Variants in RFX3 observed in about 807,000 individuals in gnomAD.
RFX3 encodes the protein regulatory factor X3.
A neutral mutation model predicts 98.6 loss-of-function variants in RFX3; 14 were observed. The ratio of observed to expected loss-of-function variants is 0.14; its 90% CI spans 0.09 to 0.22. The LOEUF (loss-of-function observed/expected upper bound fraction) is 0.22. Among genes scored for constraint, RFX3 ranks in the 10% least tolerant of loss-of-function variants. The pLI, the probability that RFX3 is intolerant of heterozygous loss-of-function variation, is 1.00. For synonymous variants in RFX3, 383 were observed against 328.4 expected, an observed-to-expected ratio of 1.17 and a Z score of -1.80; for missense variants, 639 against 926.9, an observed-to-expected ratio of 0.69 and a Z score of 4.03.
chr9:3,404,546 C>A (rs1162593775), intron 1 of RFX3, among the ~76,000 whole-genome samples: 1 of 152,042 alleles, frequency 6.6e-6, no homozygotes, highest in Admixed American at 6.6e-5. Flanking sequence ...CCTCCAGAAA[C>A]AATAATTCCT....
intron 2 of RFX3, among the ~76,000 whole-genome samples, chr9:3,376,312 G>T (rs1838485291): frequency 6.6e-6 from 1 of 151,824 alleles, no homozygotes; most frequent in African/African-American, 2.4e-5. Context: ...ATTAACCATG[G>T]GACTCAACAG....
Position 3,250,022 on chromosome 9 carries a change from G to A in RFX3, c.1815-1837C>T, listed in dbSNP as rs534858347. ...AAATTCTATATATAACTCTATCCAC[G>A]TCTTTCCTAAAATTCAGTGACATAT... On this transcript the variant is annotated intron_variant, in intron 14 of 16. Transcript: ENST00000617270. Among the ~76,000 whole-genome samples, 78 of 151,648 alleles carry A rather than the reference G, an allele frequency of 5.1e-4. 1 individual carries two copies. The highest frequency in any genetic ancestry group is 1.6e-3 in the African/African-American group (67 of 41,426).
chr9:3,446,943 A>G (rs1373256323), intron 1 of RFX3, among the ~76,000 whole-genome samples: 1 of 152,158 alleles, frequency 6.6e-6, no homozygotes, highest in Non-Finnish European at 1.5e-5. Flanking sequence ...AACAATTCTC[A>G]GCTAATGGAA....
chr9:3,353,436 A>T (rs998322177), intron 2 of RFX3, among the ~76,000 whole-genome samples: 3 of 151,950 alleles, frequency 2.0e-5, no homozygotes, highest in Non-Finnish European at 4.4e-5. Flanking sequence ...CATTAGAGAA[A>T]ACGACAGCAA....
At chr9:3,501,793 G>A (rs1816042090) in intron 1 of RFX3, among the ~76,000 whole-genome samples, 1 of 151,582 alleles carries the variant, frequency 6.6e-6, no homozygotes, top group African/African-American at 2.4e-5. Context: ...CTGGCTTCAA[G>A]TGATCCACCC....
intron 1 of RFX3, among the ~76,000 whole-genome samples, chr9:3,398,729 T>C (rs1010632926): frequency 5.9e-5 from 9 of 152,102 alleles, no homozygotes; most frequent in Non-Finnish European, 1.3e-4. Flanking sequence ...TGCACATACA[T>C]TGTATTACAG....
intron 1 of RFX3, among the ~76,000 whole-genome samples, chr9:3,397,066 C>T (rs1247900354): frequency 6.6e-6 from 1 of 152,172 alleles, no homozygotes; most frequent in African/African-American, 2.4e-5. Flanking sequence ...ATGAGGGAGA[C>T]TACTATCATG....
chr9:3,456,325 G>A (rs938514536), intron 1 of RFX3, among the ~76,000 whole-genome samples: 4 of 152,140 alleles, frequency 2.6e-5, no homozygotes, highest in Admixed American at 2.0e-4. Flanking sequence ...CACTTGATCC[G>A]TGGCTAGTGT....
intron 4 of RFX3, among the ~76,000 whole-genome samples, chr9:3,327,750 C>T (rs1175736838): frequency 1.3e-5 from 2 of 151,914 alleles, no homozygotes; most frequent in Non-Finnish European, 2.9e-5. Flanking sequence ...CAACTATTCC[C>T]AGTTTTTATA....
intron 11 of RFX3, among the ~76,000 whole-genome samples, chr9:3,266,775 ATTTAC>A (rs550079919): frequency 3.0e-4 from 46 of 152,150 alleles, no homozygotes; most frequent in African/African-American, 1.1e-3. Context: ...CTATGCATCT[ATTTAC>A]TTAGAATCTG....
At position 3,437,999 on chromosome 9, in the gene RFX3, A is replaced by T. The variant is rs549267994; in HGVS notation, c.-8-42403T>A. 1.8e-3 allele frequency among the ~76,000 whole-genome samples: 274 copies of T among 152,196 alleles called. 1 individual carries two copies. The highest frequency in any genetic ancestry group is 6.3e-3 in the African/African-American group (261 of 41,538). On this transcript the variant is annotated intron_variant, in intron 1 of 16. Transcript: ENST00000617270. The stretch of plus-strand genomic sequence containing the variant: ...TTTTCCTCTCCCTAAATAAAATGGA[A>T]AAAAAGAAGACCTTGAATAAAGACA...
chr9:3,296,910 TG>T (rs1828066937), intron 5 of RFX3, among the ~76,000 whole-genome samples: 1 of 152,132 alleles, frequency 6.6e-6, no homozygotes, highest in Non-Finnish European at 1.5e-5. Context: ...GAGATGTGGC[TG>T]GGGATTATAA....
intron 1 of RFX3, among the ~76,000 whole-genome samples, chr9:3,505,757 A>T (rs1452479176): frequency 1.3e-5 from 2 of 149,150 alleles, no homozygotes; most frequent in East Asian, 4.0e-4. Flanking sequence ...CTCCACCCCC[A>T]TCATTTACAT....
chr9:3,279,340 C>T (rs559574840), intron 7 of RFX3, among the ~76,000 whole-genome samples: 1 of 151,744 alleles, frequency 6.6e-6, no homozygotes, highest in East Asian at 1.9e-4. Context: ...AACCATGTTT[C>T]TTCATTTAAG....
At chr9:3,403,832 C>T (rs1307211868) in intron 1 of RFX3, among the ~76,000 whole-genome samples, 5 of 152,112 alleles carry the variant, frequency 3.3e-5, no homozygotes, top group African/African-American at 9.7e-5. Flanking sequence ...CTGCACCAAA[C>T]AGAGTTTCCT....
chr9:3,348,453 T>C (rs1025438185), intron 2 of RFX3, among the ~76,000 whole-genome samples: 1 of 151,502 alleles, frequency 6.6e-6, no homozygotes, highest in Non-Finnish European at 1.5e-5. Context: ...CCATTGATGA[T>C]CATTTCCTAC....
intron 4 of RFX3, among the ~76,000 whole-genome samples, chr9:3,315,172 G>A (rs1342636176): frequency 6.6e-6 from 1 of 152,066 alleles, no homozygotes; most frequent in Non-Finnish European, 1.5e-5. Flanking sequence ...ATAACAAACT[G>A]TCTCTCAGAC....
intron 2 of RFX3, among the ~76,000 whole-genome samples, chr9:3,374,097 C>A (rs1248124964): frequency 6.9e-6 from 1 of 144,604 alleles, no homozygotes; most frequent in Non-Finnish European, 1.5e-5. Context: ...CGCGCGCACA[C>A]ACACACACAC....
Position 3,218,309 on chromosome 9 carries a change from G to C in RFX3, c.*6733C>G, listed in dbSNP as rs1817181125. Reference sequence around the variant, plus strand: ...GCCATTTCCAATGTATTTGTAACAAGGAAACAAATTTATTGATTTTAAAAG... The same window carrying C: ...GCCATTTCCAATGTATTTGTAACAACGAAACAAATTTATTGATTTTAAAAG... On this transcript the variant is annotated 3_prime_UTR_variant, in exon 17 of 17. Coordinates refer to ENST00000617270, the MANE Select transcript of RFX3 (RefSeq NM_001282116.2). 6.6e-6 allele frequency: 1 copy of C among 152,050 alleles called. No homozygotes were observed. Among genetic ancestry groups the C allele is most frequent in the Non-Finnish European group, 1.5e-5 (1 of 68,004 alleles). The allele number at this position is 152,050 out of a possible 1,614,324, so 9.4% of individuals were successfully genotyped here.
Sources: allele counts gnomAD v4.1 joint callset (sites outside exome capture counted in the v4.1 genomes callset), GRCh38; gene constraint gnomAD v4.1.1; transcripts MANE v1.5; gene names NCBI Gene and HGNC (gene_info 2026-07-23, HGNC 2026-07-21).